HDAC4: variants seen among roughly 807,000 people sequenced by gnomAD.
HDAC4 encodes the protein histone deacetylase 4, also known as histone deacetylase A.
In HDAC4, 16 loss-of-function variants were observed where a neutral mutation model predicts 135.1. The observed-to-expected ratio is 0.12, with a 90% confidence interval of 0.08 to 0.18. The LOEUF (loss-of-function observed/expected upper bound fraction) is 0.18. HDAC4 is among the 10% of genes least tolerant of loss of function. The pLI is 1.00. For missense variants in HDAC4, 1,143 were observed against 1,511.8 expected (o/e 0.76, Z 4.05); for synonymous variants, 685 against 653.4 (o/e 1.05, Z -0.74).
rs1391054071 is a variant in HDAC4, at chr2:239,303,241, G to A, written c.22+49437C>T. 1.3e-5 allele frequency among the ~76,000 whole-genome samples: 2 copies of A among 152,258 alleles called. No individual in the cohort carries two copies. The highest frequency in any genetic ancestry group is 2.4e-5 in the African/African-American group (1 of 41,466). On this transcript the variant is annotated intron_variant, in intron 2 of 26. Transcript: ENST00000543185. The surrounding 1 kb of genome is among the most constrained non-coding windows in gnomAD (Gnocchi z 5.1). ...ACAGGAGGGCACAGGGACAGGCCTG[G>A]AGGACAAGGTCCCTGGAATCCCCGA...
At chr2:239,297,942 T>C (rs2052009399) in intron 2 of HDAC4, among the ~76,000 whole-genome samples, 1 of 152,064 alleles carries the variant, frequency 6.6e-6, no homozygotes, top group South Asian at 2.1e-4. Context: ...CCAAGTCAAA[T>C]CATTATTCCC....
At chr2:239,210,529 C>A (rs545989467) in intron 3 of HDAC4, among the ~76,000 whole-genome samples, 3 of 152,314 alleles carry the variant, frequency 2.0e-5, no homozygotes, top group African/African-American at 7.2e-5. Flanking sequence ...TTACTACAAA[C>A]GTGTACATTT....
At chr2:239,060,729 C>T (rs1166087393) in intron 24 of HDAC4, among the ~76,000 whole-genome samples, 8 of 152,262 alleles carry the variant, frequency 5.3e-5, no homozygotes, top group African/African-American at 1.2e-4. Flanking sequence ...ACCGGAGACA[C>T]GGCCACCTAG....
At chr2:239,231,059 G>C (rs556201118) in intron 3 of HDAC4, among the ~76,000 whole-genome samples, 3 of 152,188 alleles carry the variant, frequency 2.0e-5, no homozygotes, top group Admixed American at 6.5e-5. Context: ...TGAATTTTGC[G>C]TTATTTTGGA....
In HDAC4 at chr2:239,176,484, T is replaced by C; in HGVS notation, c.419A>G (p.Glu140Gly). 4 of 1,613,544 alleles carry C rather than the reference T, an allele frequency of 2.5e-6. No homozygotes were observed. Among genetic ancestry groups the C allele is most frequent in the Non-Finnish European group, 2.5e-6 (3 of 1,179,838 alleles). Residue 140 changes from glutamate (E) to glycine (G), a missense_variant, in exon 5 of 27, where the codon GAG becomes GGG. Around this residue, in one of 9 missense-constraint regions of HDAC4, gnomAD observed 247 missense variants for 310.0 expected, o/e 0.80. Coordinates refer to ENST00000543185, the MANE Select transcript of HDAC4 (RefSeq NM_001378414.1). Reference sequence around the variant, plus strand: ...CCGGTGCTGCTTCTCCAGCTCCTGCTCCTGGCGGTGCCTCTCCAGCTTCCG... The same window carrying C: ...CCGGTGCTGCTTCTCCAGCTCCTGCCCCTGGCGGTGCCTCTCCAGCTTCCG... ...HQRKLERHRQ[E>G]QELEKQHREQ...
At chr2:239,072,414 G>T (rs536751211) in intron 22 of HDAC4, among the ~76,000 whole-genome samples, 1 of 152,320 alleles carries the variant, frequency 6.6e-6, no homozygotes, top group South Asian at 2.1e-4. Context: ...AAGCCCTTGT[G>T]TGAGTAGGTC....
At chr2:239,225,332 G>A (rs1357269291) in intron 3 of HDAC4, among the ~76,000 whole-genome samples, 1 of 152,248 alleles carries the variant, frequency 6.6e-6, no homozygotes, top group East Asian at 1.9e-4. Flanking sequence ...AAATTAACAA[G>A]TGAAATGTTC....
At chr2:239,226,668 G>T (rs1259423024) in intron 3 of HDAC4, among the ~76,000 whole-genome samples, 3 of 151,838 alleles carry the variant, frequency 2.0e-5, no homozygotes, top group Non-Finnish European at 4.4e-5. Flanking sequence ...CATGTAATGG[G>T]GGGGGTGATA....
intron 3 of HDAC4, among the ~76,000 whole-genome samples, chr2:239,197,814 C>T (rs2045490778): frequency 6.7e-6 from 1 of 149,814 alleles, no homozygotes; most frequent in African/African-American, 2.5e-5. Flanking sequence ...CTTGTCTAGT[C>T]TCTGAAGATA....
At chr2:239,114,531 C>T (rs894003097) in intron 13 of HDAC4, among the ~76,000 whole-genome samples, 2 of 152,218 alleles carry the variant, frequency 1.3e-5, no homozygotes, top group African/African-American at 4.8e-5. Flanking sequence ...TCATCAGTCT[C>T]CTGTGAGTTT....
chr2:239,195,558 G>A (rs2045325048), intron 3 of HDAC4, among the ~76,000 whole-genome samples: 1 of 152,178 alleles, frequency 6.6e-6, no homozygotes, highest in Admixed American at 6.5e-5. Context: ...TGTCAGACGT[G>A]ACTTGTGCTA....
intron 2 of HDAC4, among the ~76,000 whole-genome samples, chr2:239,288,412 T>G: frequency 6.6e-6 from 1 of 152,334 alleles, no homozygotes; most frequent in Middle Eastern, 3.4e-3. Context: ...GGAAGTCCAG[T>G]ATTTCTGCTC....
rs564868885 is a variant in HDAC4, at chr2:239,073,414, T to G, written c.2751-4807A>C. Among the ~76,000 whole-genome samples, 4 of 152,364 alleles carry G rather than the reference T, an allele frequency of 2.6e-5. No homozygotes were observed. The South Asian group carries it at 8.3e-4, about 32-fold the overall frequency. ...AGATAGGAGGCACCTGACCTCAGTC[T>G]GTGGGCCACACGGTCTCTGCCAGGA... On this transcript the variant is annotated intron_variant, in intron 22 of 26. Transcript: ENST00000543185.
intron 3 of HDAC4, among the ~76,000 whole-genome samples, chr2:239,226,361 A>C (rs2047240212): frequency 6.6e-6 from 1 of 152,060 alleles, no homozygotes. Flanking sequence ...ACTCAGTGAG[A>C]TTTCTCTGTA....
At chr2:239,077,715 G>C (rs183165988) in intron 22 of HDAC4, among the ~76,000 whole-genome samples, 1 of 152,206 alleles carries the variant, frequency 6.6e-6, no homozygotes, top group Non-Finnish European at 1.5e-5. Context: ...GACCAGCGTG[G>C]TGTGTGCAGC....
At chr2:239,088,693 G>T (rs1177849173) in intron 18 of HDAC4, among the ~76,000 whole-genome samples, 3 of 152,192 alleles carry the variant, frequency 2.0e-5, no homozygotes, top group Non-Finnish European at 4.4e-5. Context: ...CATTTTAGTA[G>T]ATCTCCGCCC....
At chr2:239,236,794 G>A (rs2047913710) in intron 2 of HDAC4, 130 bp from the exon 3 acceptor site, 2 of 733,820 alleles carry the variant, frequency 2.7e-6, no homozygotes, top group Admixed American at 2.0e-5. Context: ...TTTACAGGGG[G>A]ACACTTTCAG....
chr2:239,366,260 T>G (rs1403283950), intron 1 of HDAC4, among the ~76,000 whole-genome samples: 1 of 97,102 alleles, frequency 1.0e-5, no homozygotes, highest in Admixed American at 1.0e-4. Flanking sequence ...CACACAAACA[T>G]GCATGCACAG....
At chr2:239,365,829 C>T (rs1056668243) in intron 1 of HDAC4, among the ~76,000 whole-genome samples, 27 of 147,524 alleles carry the variant, frequency 1.8e-4, no homozygotes, top group African/African-American at 5.8e-4. Flanking sequence ...GGGGGACACA[C>T]GCAGACACGC....
Sources: gnomAD v4.1 joint callset for allele counts (sites outside exome capture counted in the v4.1 genomes callset) on GRCh38, gnomAD v4.1.1 for gene constraint, gnomAD v4.1.1 regional missense constraint, Gnocchi (gnomAD v3.1) non-coding constraint, MANE v1.5 for transcripts, NCBI Gene and HGNC (gene_info 2026-07-23, HGNC 2026-07-21) for gene names.